Variants in IL34 observed in about 807,000 individuals in gnomAD.
IL34 encodes the protein interleukin 34, also known as interleukin-34.
A neutral mutation model predicts 25.3 loss-of-function variants in IL34; 17 were observed. The observed-to-expected ratio is 0.67, with a 90% CI of 0.46 to 1.01. The LOEUF (loss-of-function observed/expected upper bound fraction) is 1.01. Among genes scored for constraint, IL34 ranks in the 50% least tolerant of loss-of-function variants. IL34 has a pLI of 0.00. For missense variants in IL34, 368 were observed against 312.9 expected (o/e 1.18, Z -1.33); for synonymous variants, 174 against 140.9 (o/e 1.23, Z -1.66).
At chr16:70,625,190 T>G (rs2051364731) in intron 1 of IL34, among the ~76,000 whole-genome samples, 1 of 151,874 alleles carries the variant, frequency 6.6e-6, no homozygotes, top group Non-Finnish European at 1.5e-5. Flanking sequence ...AGGTTTTAAG[T>G]TCGTGAGAAG....
At chr16:70,644,951 AAGAG>A (rs1239098093), upstream of IL34, among the ~76,000 whole-genome samples, 11 of 89,160 alleles carry the variant, frequency 1.2e-4, no homozygotes, top group African/African-American at 1.1e-3. Context: ...AGGAAGGAGG[AAGAG>A]GAGGAGGAAG....
At chr16:70,628,076 A>G (rs534746324) in intron 1 of IL34, among the ~76,000 whole-genome samples, 38 of 152,290 alleles carry the variant, frequency 2.5e-4, no homozygotes, top group African/African-American at 7.9e-4. Flanking sequence ...GAGAATTCCA[A>G]TTATTCTACA....
At chr16:70,586,418 G>A (rs955491937) in intron 1 of IL34, among the ~76,000 whole-genome samples, 1 of 152,100 alleles carries the variant, frequency 6.6e-6, no homozygotes, top group Non-Finnish European at 1.5e-5. Flanking sequence ...AAGATAACTG[G>A]TGGTGTGTGT....
Position 70,654,608 on chromosome 16 carries a change from G to A in IL34, c.99G>A (p.Glu33=). The A allele has an allele frequency of 6.2e-7, 1 of 1,613,716 alleles. No homozygotes were observed. The highest frequency in any genetic ancestry group is 8.5e-7 in the Non-Finnish European group (1 of 1,179,708). Residue 33 remains glutamate, a synonymous_variant, in exon 2 of 6, where the codon GAG becomes GAA. Transcript: ENST00000288098. ...PLEMWPLTQN[E]ECTVTGFLRD... Reference sequence around the variant, plus strand: ...AGATGTGGCCCTTGACGCAGAATGAGGAGTGCACTGTCACGGGTTTTCTGC... The same window carrying A: ...AGATGTGGCCCTTGACGCAGAATGAAGAGTGCACTGTCACGGGTTTTCTGC...
chr16:70,605,182 A>C (rs1456954), intron 1 of IL34, among the ~76,000 whole-genome samples: 16,931 of 152,056 alleles, frequency 0.11, 1,296 homozygotes, highest in African/African-American at 0.22. Flanking sequence ...GAGAGCCTTG[A>C]CCTGGGAGAG....
chr16:70,653,172 C>G (rs749603886), intron 1 of IL34, among the ~76,000 whole-genome samples: 2 of 151,882 alleles, frequency 1.3e-5, no homozygotes, highest in Non-Finnish European at 2.9e-5. Context: ...GAGATTGTGC[C>G]ACTGTACTCT....
intron 1 of IL34, among the ~76,000 whole-genome samples, chr16:70,634,893 C>T (rs2051607483): frequency 7.6e-6 from 1 of 131,506 alleles, no homozygotes; most frequent in African/African-American, 3.6e-5. Context: ...GAGATTCATC[C>T]ATGTTGCTGC....
upstream of IL34, among the ~76,000 whole-genome samples, chr16:70,644,176 T>C (rs1175370021): frequency 6.6e-6 from 1 of 152,238 alleles, no homozygotes; most frequent in Admixed American, 6.5e-5. Flanking sequence ...GGTTTCACCA[T>C]GTTGGCCAGG....
At chr16:70,597,244 A>G (rs1454630558) in intron 1 of IL34, among the ~76,000 whole-genome samples, 1 of 150,000 alleles carries the variant, frequency 6.7e-6, no homozygotes, top group Non-Finnish European at 1.5e-5. Flanking sequence ...TTTTGGAGAC[A>G]GTGTCTTGCT....
intron 1 of IL34, among the ~76,000 whole-genome samples, chr16:70,591,456 C>A (rs2050753010): frequency 6.6e-6 from 1 of 151,778 alleles, no homozygotes; most frequent in South Asian, 2.1e-4. Flanking sequence ...GTAGTCCCAG[C>A]TACTCAGGAG....
chr16:70,632,018 C>T (rs559017997), intron 1 of IL34, among the ~76,000 whole-genome samples: 1 of 151,752 alleles, frequency 6.6e-6, no homozygotes, highest in Admixed American at 6.6e-5. Flanking sequence ...GGAGGATTAC[C>T]TGAGCCTGGG....
At chr16:70,628,773 C>T (rs538422688) in intron 1 of IL34, among the ~76,000 whole-genome samples, 97 of 148,942 alleles carry the variant, frequency 6.5e-4, no homozygotes, top group Non-Finnish European at 1.2e-3. Flanking sequence ...AGGCATGAGC[C>T]ATCACACCTG....
chr16:70,618,396 G>A (rs1188891493), intron 1 of IL34, among the ~76,000 whole-genome samples: 1 of 152,118 alleles, frequency 6.6e-6, no homozygotes, highest in Non-Finnish European at 1.5e-5. Context: ...GGTAATTGTG[G>A]GAGACTCAAC....
chr16:70,634,337 T>C (rs985685335), intron 1 of IL34, among the ~76,000 whole-genome samples: 2 of 152,268 alleles, frequency 1.3e-5, no homozygotes, highest in African/African-American at 4.8e-5. Flanking sequence ...ATATGTTTTA[T>C]TGACAATTAT....
At chr16:70,615,845 C>T (rs571636508) in intron 1 of IL34, among the ~76,000 whole-genome samples, 1 of 152,060 alleles carries the variant, frequency 6.6e-6, no homozygotes, top group Non-Finnish European at 1.5e-5. Flanking sequence ...CTCAGCTACT[C>T]GGAAGACTGA....
upstream of IL34, among the ~76,000 whole-genome samples, chr16:70,642,566 G>T (rs941494422): frequency 6.6e-6 from 1 of 152,090 alleles, no homozygotes; most frequent in Non-Finnish European, 1.5e-5. Flanking sequence ...AAAGTGCTGG[G>T]ATTACAGGCG....
At chr16:70,654,736 C>T (rs563376222) in intron 2 of IL34, 65 bp downstream of exon 2, 3 of 1,529,664 alleles carry the variant, frequency 2.0e-6, no homozygotes, top group Non-Finnish European at 1.8e-6. Context: ...GCATAGGCCT[C>T]TGGACATTCA....
upstream of IL34, among the ~76,000 whole-genome samples, chr16:70,641,887 T>G (rs1237121823): frequency 6.6e-6 from 1 of 151,998 alleles, no homozygotes; most frequent in Non-Finnish European, 1.5e-5. Context: ...AATTTCAAAA[T>G]GACACTAAAA....
At chr16:70,644,377 T>C (rs1240811352), upstream of IL34, among the ~76,000 whole-genome samples, 1 of 152,124 alleles carries the variant, frequency 6.6e-6, no homozygotes, top group Non-Finnish European at 1.5e-5. Context: ...GATTGACAAT[T>C]TTTGAATCTG....
Sources: allele counts gnomAD v4.1 joint callset (sites outside exome capture counted in the v4.1 genomes callset), GRCh38; gene constraint gnomAD v4.1.1; transcripts MANE v1.5; gene names NCBI Gene and HGNC (gene_info 2026-07-23, HGNC 2026-07-21).